Variants in RREB1 observed in about 807,000 individuals in gnomAD.
The protein encoded by RREB1 is ras responsive element binding protein 1.
A neutral mutation model predicts 117.8 loss-of-function variants in RREB1; 27 were observed. The ratio of observed to expected loss-of-function variants is 0.23; its 90% CI spans 0.17 to 0.32. The LOEUF is 0.32. RREB1 is among the 10% of genes least tolerant of loss of function. RREB1 has a pLI of 1.00. For synonymous variants in RREB1, 1,298 were observed against 1,026.7 expected, an observed-to-expected ratio of 1.26 and a Z score of -5.05; for missense variants, 2,577 against 2,378.2, an observed-to-expected ratio of 1.08 and a Z score of -1.74.
rs1769326831 is a variant in RREB1, at chr6:7,249,734, G to A, written c.*766G>A. ...TTACTCCCCTGGCGTCTTAACCTAT[G>A]GAAAACATGCACGGATAGGATATAT... On this transcript the variant is annotated 3_prime_UTR_variant, in exon 13 of 13. Coordinates refer to ENST00000379938, the MANE Select transcript of RREB1 (RefSeq NM_001003699.4). 6.6e-6 allele frequency: 1 copy of A among 151,978 alleles called. No individual in the cohort carries two copies. The highest frequency in any genetic ancestry group is 6.6e-5 in the Admixed American group (1 of 15,236). The allele number at this position is 151,978 out of a possible 1,614,324, so 9.4% of individuals were successfully genotyped here. A position where few individuals can be genotyped will look rare whatever the true frequency, so the allele number is the denominator to read the frequency against.
intron 10 of RREB1, among the ~76,000 whole-genome samples, chr6:7,232,345 C>T (rs1459303278): frequency 1.3e-5 from 2 of 152,180 alleles, no homozygotes; most frequent in Non-Finnish European, 1.5e-5. Flanking sequence ...GTCCTCAATG[C>T]AGCTTTTTAA....
intron 1 of RREB1, among the ~76,000 whole-genome samples, chr6:7,123,182 G>A (rs1426189156): frequency 4.0e-5 from 6 of 151,488 alleles, no homozygotes; most frequent in African/African-American, 1.2e-4. Flanking sequence ...TTTGGAGACA[G>A]AGTCTCACTC....
chr6:7,140,921 C>T (rs1439433626), intron 1 of RREB1: 2 of 152,342 alleles, frequency 1.3e-5, no homozygotes, highest in Non-Finnish European at 2.9e-5. Context: ...TGTTCTGTTT[C>T]TGGGGAGGGG....
At chr6:7,158,913 A>G (rs1199792212) in intron 1 of RREB1, among the ~76,000 whole-genome samples, 1 of 151,966 alleles carries the variant, frequency 6.6e-6, no homozygotes. Flanking sequence ...AAAACTGATT[A>G]GTTTTCATCT....
chr6:7,222,254 A>G (rs888269568), intron 8 of RREB1, among the ~76,000 whole-genome samples: 1 of 152,182 alleles, frequency 6.6e-6, no homozygotes, highest in Non-Finnish European at 1.5e-5. Flanking sequence ...TCTTAGGCCC[A>G]TCTTCTAGTT....
intron 1 of RREB1, among the ~76,000 whole-genome samples, chr6:7,152,049 T>C (rs1002952971): frequency 1.3e-5 from 2 of 152,230 alleles, no homozygotes; most frequent in Non-Finnish European, 2.9e-5. Flanking sequence ...GGACATTGAT[T>C]TGAGGATGCA....
chr6:7,196,218 G>GTTTTTTTTTTTTTTTTTTT (rs58448175), intron 6 of RREB1, among the ~76,000 whole-genome samples: 2 of 121,468 alleles, frequency 1.6e-5, no homozygotes, highest in African/African-American at 3.2e-5. Context: ...TTTTTTTTTC[G>GTTTTTTTTTTTTTTTTTTT]TTTTTTTTTT....
chr6:7,109,833 C>G (rs959958637), intron 1 of RREB1, among the ~76,000 whole-genome samples: 2 of 152,082 alleles, frequency 1.3e-5, no homozygotes, highest in African/African-American at 4.8e-5. Flanking sequence ...GCTCCTGCTG[C>G]TGCTGCTTGT....
At chr6:7,208,778 C>G (rs1766419064) in intron 6 of RREB1, among the ~76,000 whole-genome samples, 1 of 152,224 alleles carries the variant, frequency 6.6e-6, no homozygotes, top group Non-Finnish European at 1.5e-5. Context: ...TTGGTAGTAA[C>G]TGTGCCACCT....
chr6:7,149,154 C>T (rs1487011668), intron 1 of RREB1, among the ~76,000 whole-genome samples: 3 of 152,182 alleles, frequency 2.0e-5, no homozygotes, highest in Admixed American at 6.5e-5. Flanking sequence ...AACTCCTGAC[C>T]TCAGGTGATC....
intron 1 of RREB1, among the ~76,000 whole-genome samples, chr6:7,130,538 TTC>T (rs1244422996): frequency 6.6e-6 from 1 of 152,184 alleles, no homozygotes; most frequent in African/African-American, 2.4e-5. Context: ...TCCCAGCTGT[TTC>T]TCTATAGCTT....
intron 1 of RREB1, among the ~76,000 whole-genome samples, chr6:7,137,106 T>TC (rs1295700277): frequency 6.6e-6 from 1 of 152,164 alleles, no homozygotes; most frequent in Non-Finnish European, 1.5e-5. Flanking sequence ...CATGGGGAGT[T>TC]CCCTCCCCAA....
rs1412919356 is a variant in RREB1 at position 7,246,731 on chromosome 6, C to A, written c.4281C>A (p.Phe1427Leu). 2 of 1,580,546 alleles carry A rather than the reference C, an allele frequency of 1.3e-6. No homozygotes were observed. The highest frequency in any genetic ancestry group is 1.8e-5 in the Admixed American group (1 of 55,256). Reference protein sequence around the residue: ...DLDFATKLMDFKLAEGDGEAG... With the variant: ...DLDFATKLMDLKLAEGDGEAG... ...ACTTCGCCACCAAGCTCATGGACTT[C>A]AAGCTGGCGGAGGGCGACGGCGAGG... The change falls in exon 12 of 13, where the codon TTC (phenylalanine) becomes TTA (leucine). Residue 1427 changes from phenylalanine (F) to leucine (L), a missense_variant. By Grantham distance (22) the Phe-to-Leu change is conservative. Coordinates refer to ENST00000379938, the MANE Select transcript of RREB1 (RefSeq NM_001003699.4).
intron 8 of RREB1, chr6:7,216,124 G>C (rs775124457): frequency 6.6e-6 from 1 of 152,252 alleles, no homozygotes; most frequent in Non-Finnish European, 1.5e-5. Context: ...GATTGAGTTT[G>C]TACTGTGTGC....
At chr6:7,195,242 T>C (rs1347170017) in intron 6 of RREB1, among the ~76,000 whole-genome samples, 1 of 152,248 alleles carries the variant, frequency 6.6e-6, no homozygotes, top group African/African-American at 2.4e-5. Flanking sequence ...ATACTACATT[T>C]ATTATGTCTT....
At chr6:7,153,489 C>T (rs571260613) in intron 1 of RREB1, among the ~76,000 whole-genome samples, 52 of 151,642 alleles carry the variant, frequency 3.4e-4, no homozygotes, top group African/African-American at 1.2e-3. Flanking sequence ...TACATTTTAG[C>T]GGACTGAGCT....
intron 1 of RREB1, among the ~76,000 whole-genome samples, chr6:7,163,305 T>G (rs1763758772): frequency 6.6e-6 from 1 of 152,250 alleles, no homozygotes. Context: ...CACTGGCCTC[T>G]GAAATACTTC....
At chr6:7,109,176 AGTTCT>A (rs1200277612) in intron 1 of RREB1, among the ~76,000 whole-genome samples, 1 of 151,156 alleles carries the variant, frequency 6.6e-6, no homozygotes, top group Non-Finnish European at 1.5e-5. Flanking sequence ...GTTTTTCACG[AGTTCT>A]GGGGCTTCCC....
chr6:7,179,009 A>T (rs1201911033), intron 2 of RREB1, among the ~76,000 whole-genome samples: 2 of 152,202 alleles, frequency 1.3e-5, no homozygotes, highest in Non-Finnish European at 2.9e-5. Flanking sequence ...ACACTTAGGT[A>T]GTTTGCAAGA....
Sources: gnomAD v4.1 joint callset for allele counts (sites outside exome capture counted in the v4.1 genomes callset) on GRCh38, gnomAD v4.1.1 for gene constraint, MANE v1.5 for transcripts, NCBI Gene and HGNC (gene_info 2026-07-23, HGNC 2026-07-21) for gene names.